The following MYCBP2 variants were observed in gnomAD, a reference collection of about 807,000 sequenced individuals.
The protein encoded by MYCBP2 is E3 ubiquitin-protein ligase MYCBP2.
In MYCBP2, 120 loss-of-function variants were observed where a neutral mutation model predicts 525.3. The observed-to-expected ratio is 0.23, with a 90% CI of 0.20 to 0.27. The LOEUF is 0.27. MYCBP2 is among the 10% of genes least tolerant of loss of function. The probability of loss-of-function intolerance (pLI) is 1.00; values close to 1 mark genes in which losing one functional copy is unlikely to be tolerated. For missense variants in MYCBP2, 4,149 were observed against 5,657.1 expected, an observed-to-expected ratio of 0.73 and a Z score of 8.55; for synonymous variants, 1,894 against 1,955.8, an observed-to-expected ratio of 0.97 and a Z score of 0.83.
At chr13:77,055,467 G>T in intron 80 of MYCBP2, 91 bp downstream of exon 80, 1 of 1,024,216 alleles carries the variant, frequency 9.8e-7, no homozygotes, top group Non-Finnish European at 1.4e-6. Flanking sequence ...GGCTTAAGAT[G>T]GAATAATTAG....
intron 17 of MYCBP2, among the ~76,000 whole-genome samples, chr13:77,233,903 G>A (rs1456407799): frequency 6.6e-6 from 1 of 151,624 alleles, no homozygotes; most frequent in Non-Finnish European, 1.5e-5. Context: ...AGAGAAAGGA[G>A]CTTGGGCTTT....
intron 68 of MYCBP2, among the ~76,000 whole-genome samples, chr13:77,074,012 C>CCA (rs1555308467): frequency 2.2e-5 from 2 of 91,692 alleles, no homozygotes; most frequent in African/African-American, 6.5e-5. Flanking sequence ...GCCCCCCCCC[C>CCA]TTTTTTTTTT....
rs553266243 is a variant in MYCBP2 at position 77,263,899 on chromosome 13, C to T, written c.1431+30G>A. 4.0e-5 allele frequency: 65 copies of T among 1,607,514 alleles called. No homozygotes were observed. In the South Asian group the frequency reaches 7.0e-4, roughly 17 times the overall value. On this transcript the variant is annotated intron_variant, in intron 9 of 82. Coordinates refer to ENST00000544440, the MANE Select transcript of MYCBP2 (RefSeq NM_015057.5). Reference sequence around the variant, plus strand: ...ATTTAAGGAAAAGGAATTCCATTTACACTAGCTACTTAAGATTCAGGATAC... The same window carrying T: ...ATTTAAGGAAAAGGAATTCCATTTATACTAGCTACTTAAGATTCAGGATAC...
chr13:77,132,438 T>C (rs2053050724), intron 52 of MYCBP2, among the ~76,000 whole-genome samples: 1 of 152,162 alleles, frequency 6.6e-6, no homozygotes, highest in Admixed American at 6.5e-5. Flanking sequence ...TCTCTTCAAC[T>C]CTACTTCAAA....
intron 60 of MYCBP2, 48 bp downstream of exon 60, chr13:77,090,058 T>A: frequency 7.0e-7 from 1 of 1,435,384 alleles, no homozygotes; most frequent in Non-Finnish European, 9.2e-7. Flanking sequence ...AATTTTTTTA[T>A]TTGTAGTAGT....
At position 77,098,678 on chromosome 13, in the gene MYCBP2, T is replaced by C; in HGVS notation, c.8476A>G (p.Thr2826Ala). The change falls in exon 56 of 83, where the codon ACT (threonine) becomes GCT (alanine). Residue 2826 changes from threonine to alanine, a missense_variant. Physicochemically the swap from Thr to Ala is moderately conservative, Grantham distance 58. Transcript: ENST00000544440. ...GGGCTAGACCTATTGGCTGGGAGAGTCTTTGGCTTAGGAGATGACAACCGA... is the reference window on the plus strand; with the variant it reads ...GGGCTAGACCTATTGGCTGGGAGAGCCTTTGGCTTAGGAGATGACAACCGA... The part of the protein sequence containing the change: ...GSRLSSPKPK[T>A]LPANRSSPSG... 1 of 1,611,658 alleles carries C rather than the reference T, an allele frequency of 6.2e-7. No individual in the cohort carries two copies. Among genetic ancestry groups the C allele is most frequent in the East Asian group, 2.2e-5 (1 of 44,814 alleles).
chr13:77,291,977 T>C lies in MYCBP2; in HGVS notation c.379-3601A>G, dbSNP rs114244488. On this transcript the variant is annotated intron_variant, in intron 2 of 82. Transcript: ENST00000544440. ...TATGAACACACAGAGCAATGGACCA[T>C]GCCTCCTGGCCTGTCAGACTGCTCT... Among the ~76,000 whole-genome samples, 1,324 of 152,320 alleles carry C rather than the reference T, an allele frequency of 8.7e-3. 22 individuals are homozygous for C. The highest frequency in any genetic ancestry group is 0.03 in the African/African-American group (1,234 of 41,560).
intron 14 of MYCBP2, among the ~76,000 whole-genome samples, chr13:77,254,813 T>C (rs1012291803): frequency 1.3e-5 from 2 of 151,910 alleles, no homozygotes; most frequent in African/African-American, 4.8e-5. Flanking sequence ...ACTATCTCCA[T>C]GAAATCAATT....
In MYCBP2 at chr13:77,171,556, C is replaced by G; in HGVS notation, c.5730G>C (p.Leu1910Phe). Residue 1910 changes from leucine (L) to phenylalanine (F), a missense_variant, in exon 38 of 83, where the codon TTG becomes TTC. Physicochemically the swap from Leu to Phe is conservative, Grantham distance 22 (BLOSUM62 0). This residue lies in a region of MYCBP2 where 692 missense variants were observed against 852.7 expected (regional missense o/e 0.81). Transcript: ENST00000544440. ...CTCGAACGACAGTGCTTACAACAGA[C>G]AATGCTCTGCTACAGTTTTTATCTT... Reference protein sequence around the residue: ...NEEDKNCSRALSVVSTVVRAS... With the variant: ...NEEDKNCSRAFSVVSTVVRAS... 2 of 1,614,118 alleles carry G rather than the reference C, an allele frequency of 1.2e-6. No individual in the cohort carries two copies. Among genetic ancestry groups the G allele is most frequent in the Non-Finnish European group, 1.7e-6 (2 of 1,179,974 alleles).
At chr13:77,157,845 G>T in intron 45 of MYCBP2, 92 bp downstream of exon 45, 1 of 1,034,480 alleles carries the variant, frequency 9.7e-7, no homozygotes, top group Non-Finnish European at 1.4e-6. Context: ...CTTTTTTAAA[G>T]TAGTATTTTA....
intron 26 of MYCBP2, among the ~76,000 whole-genome samples, chr13:77,198,011 C>A (rs1197195479): frequency 6.6e-6 from 1 of 152,042 alleles, no homozygotes; most frequent in Non-Finnish European, 1.5e-5. Flanking sequence ...GTTCACTATT[C>A]CGAAAAGAAA....
intron 1 of MYCBP2, among the ~76,000 whole-genome samples, chr13:77,314,821 G>A (rs535148899): frequency 6.6e-6 from 1 of 152,278 alleles, no homozygotes; most frequent in African/African-American, 2.4e-5. Context: ...CCACTCTGGT[G>A]GGGGATGTTG....
At chr13:77,082,356 T>C (rs564205314) in intron 63 of MYCBP2, among the ~76,000 whole-genome samples, 1 of 152,286 alleles carries the variant, frequency 6.6e-6, no homozygotes, top group East Asian at 1.9e-4. Flanking sequence ...TACTAATTCA[T>C]CAGGGTATAG....
chr13:77,291,601 C>T (rs1212777757), intron 2 of MYCBP2, among the ~76,000 whole-genome samples: 2 of 152,154 alleles, frequency 1.3e-5, no homozygotes, highest in Non-Finnish European at 2.9e-5. Flanking sequence ...AACCCCGTCT[C>T]TACTAAAAAT....
intron 26 of MYCBP2, among the ~76,000 whole-genome samples, chr13:77,203,151 A>G (rs952538744): frequency 1.1e-4 from 17 of 152,254 alleles, no homozygotes; most frequent in African/African-American, 3.9e-4. Context: ...AAACCCCATC[A>G]TCTCAGCCCA....
intron 3 of MYCBP2, among the ~76,000 whole-genome samples, chr13:77,285,818 A>T (rs1403587662): frequency 6.6e-6 from 1 of 151,432 alleles, no homozygotes; most frequent in African/African-American, 2.4e-5. Flanking sequence ...GGCAAAGGAA[A>T]AGGGAAAAGG....
intron 32 of MYCBP2, among the ~76,000 whole-genome samples, chr13:77,183,161 A>AGCATCTAT (rs2060372380): frequency 6.6e-6 from 1 of 152,162 alleles, no homozygotes; most frequent in South Asian, 2.1e-4. Flanking sequence ...TATTTTTAAG[A>AGCATCTAT]GCATCTATGT....
intron 6 of MYCBP2, 49 bp downstream of exon 6, chr13:77,270,247 T>C: frequency 9.0e-6 from 14 of 1,548,704 alleles, no homozygotes; most frequent in Non-Finnish European, 1.2e-5. Flanking sequence ...ACACAATTCA[T>C]TATGGTTATA....
Position 77,270,297 on chromosome 13 carries a change from C to T in MYCBP2, c.1187G>A (p.Arg396Lys). The change falls in exon 6 of 83, where the codon AGG becomes AAG. Residue 396 changes from arginine to lysine, a missense_variant and splice_region_variant. Around this residue, in one of 21 missense-constraint regions of MYCBP2, gnomAD observed 262 missense variants for 419.3 expected, o/e 0.62. Coordinates refer to ENST00000544440, the MANE Select transcript of MYCBP2 (RefSeq NM_015057.5). ...AGGAACTGTAAGGAATCACATTACC[C>T]TAACTGTTCCACTGTATCCAGAGCC... ...KIGSGYSGTV[R>K]GHIYNSTSRI... is the part of the protein sequence containing the mutation. 6.2e-7 allele frequency: 1 copy of T among 1,608,746 alleles called. No individual in the cohort carries two copies. Among genetic ancestry groups the T allele is most frequent in the African/African-American group, 1.3e-5 (1 of 74,824 alleles).
Sources: gnomAD v4.1 joint callset for allele counts (sites outside exome capture counted in the v4.1 genomes callset) on GRCh38, gnomAD v4.1.1 for gene constraint, gnomAD v4.1.1 regional missense constraint, MANE v1.5 for transcripts, NCBI Gene and HGNC (gene_info 2026-07-23, HGNC 2026-07-21) for gene names.